The following COL21A1 variants were observed in gnomAD, a reference collection of about 807,000 sequenced individuals.
The protein encoded by COL21A1 is collagen type XXI alpha 1 chain.
COL21A1 carries 149 observed loss-of-function variants against 137.9 expected under a neutral mutation model. That is an observed-to-expected ratio of 1.08 (90% CI 0.95 to 1.24). The LOEUF (loss-of-function observed/expected upper bound fraction) is 1.24. Among genes scored for constraint, COL21A1 ranks in the 50% most tolerant of loss-of-function variants. The pLI is 0.00. For missense variants in COL21A1, 1,167 were observed against 1,158.4 expected, an observed-to-expected ratio of 1.01 and a Z score of -0.11; for synonymous variants, 456 against 391.5, an observed-to-expected ratio of 1.16 and a Z score of -1.95.
intron 1 of COL21A1, among the ~76,000 whole-genome samples, chr6:56,230,390 G>A (rs944315037): frequency 6.6e-6 from 1 of 151,800 alleles, no homozygotes; most frequent in Non-Finnish European, 1.5e-5. Context: ...AGTGCTAAGA[G>A]TATAATTACA....
At chr6:56,245,759 T>G (rs1175510678) in intron 1 of COL21A1, among the ~76,000 whole-genome samples, 2 of 152,178 alleles carry the variant, frequency 1.3e-5, no homozygotes, top group Non-Finnish European at 2.9e-5. Context: ...AGACCAAAGT[T>G]CCTGTTCCTA....
At chr6:56,192,486 T>G (rs1299558484) in intron 1 of COL21A1, among the ~76,000 whole-genome samples, 3 of 97,038 alleles carry the variant, frequency 3.1e-5, no homozygotes, top group Non-Finnish European at 6.4e-5. Context: ...TTAAACAAAT[T>G]TACAAGAAAA....
intron 10 of COL21A1, among the ~76,000 whole-genome samples, chr6:56,146,788 G>C (rs1056615334): frequency 1.3e-5 from 2 of 152,002 alleles, no homozygotes; most frequent in African/African-American, 4.8e-5. Context: ...CACAGCTCGT[G>C]GGTCTTACAA....
chr6:56,071,411 T>C (rs966738143), intron 20 of COL21A1, among the ~76,000 whole-genome samples: 2 of 151,554 alleles, frequency 1.3e-5, no homozygotes, highest in Non-Finnish European at 3.0e-5. Flanking sequence ...TTCTGGCTAA[T>C]AAGGAGAGAT....
At chr6:56,268,999 T>G (rs993886894) in intron 1 of COL21A1, among the ~76,000 whole-genome samples, 2 of 152,200 alleles carry the variant, frequency 1.3e-5, no homozygotes, top group Non-Finnish European at 2.9e-5. Flanking sequence ...AACAGCAGAA[T>G]AGACCAAGCT....
Position 56,185,549 on chromosome 6 carries a change from C to G in COL21A1, c.-38-2893G>C, listed in dbSNP as rs1376486453. Among the ~76,000 whole-genome samples the G allele has an allele frequency of 3.4e-5, 5 of 149,022 alleles. No individual in the cohort carries two copies. The Admixed American group carries it at 3.4e-4, about 10-fold the overall frequency. ...TTCCCGGGTTCACGCCATTCTCCTG[C>G]CTCAGCCTCCCGAGTAGCTGGGACT... On this transcript the variant is annotated intron_variant, in intron 1 of 29. Coordinates refer to ENST00000244728, the MANE Select transcript of COL21A1 (RefSeq NM_030820.4).
intron 1 of COL21A1, among the ~76,000 whole-genome samples, chr6:56,259,336 T>C (rs1395095854): frequency 6.6e-6 from 1 of 152,172 alleles, no homozygotes; most frequent in African/African-American, 2.4e-5. Context: ...CCATCTCCAT[T>C]TGTTGCTTTT....
intron 3 of COL21A1, among the ~76,000 whole-genome samples, chr6:56,174,764 T>C (rs1777323636): frequency 6.6e-6 from 1 of 152,038 alleles, no homozygotes; most frequent in Non-Finnish European, 1.5e-5. Flanking sequence ...TTAAGATCTT[T>C]CAAAAAATTG....
chr6:56,339,137 G>GT (rs1368534075), intron 1 of COL21A1, among the ~76,000 whole-genome samples: 1 of 152,170 alleles, frequency 6.6e-6, no homozygotes, highest in Non-Finnish European at 1.5e-5. Flanking sequence ...AGGAACCACA[G>GT]TTATCAAGTG....
At chr6:56,221,651 G>A (rs547792350) in intron 1 of COL21A1, among the ~76,000 whole-genome samples, 1 of 152,134 alleles carries the variant, frequency 6.6e-6, no homozygotes, top group Admixed American at 6.5e-5. Flanking sequence ...TTGAGCCCAG[G>A]AGTTCCAGGC....
intron 1 of COL21A1, among the ~76,000 whole-genome samples, chr6:56,333,161 T>G (rs912378407): frequency 6.6e-6 from 1 of 151,778 alleles, no homozygotes; most frequent in African/African-American, 2.4e-5. Flanking sequence ...GTTTAAAGAA[T>G]GCAATTTGAT....
intron 1 of COL21A1, among the ~76,000 whole-genome samples, chr6:56,334,917 C>A (rs1032693310): frequency 1.6e-4 from 24 of 152,130 alleles, no homozygotes; most frequent in Non-Finnish European, 5.9e-5. Context: ...TATAGCAGCA[C>A]AAAAGTCCAC....
At chr6:56,132,202 C>A (rs1773613822) in intron 12 of COL21A1, among the ~76,000 whole-genome samples, 1 of 151,464 alleles carries the variant, frequency 6.6e-6, no homozygotes, top group African/African-American at 2.4e-5. Context: ...ATGTTTGGGA[C>A]TAATATCAAA....
intron 16 of COL21A1, among the ~76,000 whole-genome samples, chr6:56,104,501 G>C (rs894996722): frequency 7.2e-5 from 11 of 152,094 alleles, no homozygotes; most frequent in African/African-American, 2.7e-4. Flanking sequence ...GATACAACCA[G>C]CCTGTGAAAT....
intron 1 of COL21A1, among the ~76,000 whole-genome samples, chr6:56,240,035 G>A (rs4380750): frequency 0.21 from 31,275 of 151,974 alleles, 3,477 homozygotes; most frequent in African/African-American, 0.29. Context: ...TGATGGTATT[G>A]TAAGGGGAAA....
intron 1 of COL21A1, among the ~76,000 whole-genome samples, chr6:56,203,862 G>C (rs945248510): frequency 6.6e-6 from 1 of 152,132 alleles, no homozygotes; most frequent in Non-Finnish European, 1.5e-5. Context: ...GAAGTGCAAG[G>C]GGTCAGGGGA....
chr6:56,311,144 G>A (rs1205552917), intron 1 of COL21A1, among the ~76,000 whole-genome samples: 1 of 152,194 alleles, frequency 6.6e-6, no homozygotes, highest in Non-Finnish European at 1.5e-5. Context: ...TCAAATGCTA[G>A]TTCTACAGAA....
Position 56,170,754 on chromosome 6 carries a change from T to C in COL21A1, c.921A>G (p.Pro307=), listed in dbSNP as rs1159939782. ...CACCATTTAAGGTAACTGCTATTTGTGGCCTTCCATCAATAGTTAATATTC... is the reference window on the plus strand; with the variant it reads ...CACCATTTAAGGTAACTGCTATTTGCGGCCTTCCATCAATAGTTAATATTC... ...LWRILTIDGR[P]QIAVTLNGVD... is the part of the protein sequence containing the mutation. Residue 307 remains proline, a synonymous_variant, in exon 5 of 30, where the codon CCA becomes CCG. Transcript: ENST00000244728. 4 of 1,608,386 alleles carry C rather than the reference T, an allele frequency of 2.5e-6. No individual in the cohort carries two copies. The highest frequency in any genetic ancestry group is 2.5e-6 in the Non-Finnish European group (3 of 1,176,488).
At chr6:56,101,553 G>C (rs1448081321) in intron 16 of COL21A1, 28 bp from the exon 17 acceptor site, 3 of 1,546,100 alleles carry the variant, frequency 1.9e-6, no homozygotes, top group Non-Finnish European at 2.6e-6. Flanking sequence ...AAAAGAAATA[G>C]AGAATTCAGT....
Sources: gnomAD v4.1 joint callset for allele counts (sites outside exome capture counted in the v4.1 genomes callset) on GRCh38, gnomAD v4.1.1 for gene constraint, MANE v1.5 for transcripts, NCBI Gene and HGNC (gene_info 2026-07-23, HGNC 2026-07-21) for gene names.